Variants in DOCK3 observed in about 807,000 individuals in gnomAD.
The protein encoded by DOCK3 is dedicator of cytokinesis 3, also known as dedicator of cytokinesis protein 3.
A neutral mutation model predicts 265.6 loss-of-function variants in DOCK3; 60 were observed. The ratio of observed to expected loss-of-function variants is 0.23; its 90% confidence interval spans 0.18 to 0.28. The LOEUF (loss-of-function observed/expected upper bound fraction) is 0.28, where lower values mean the gene tolerates loss of function less well. DOCK3 is among the 10% of genes least tolerant of loss of function. DOCK3 has a pLI of 1.00. For missense variants in DOCK3, 1,981 were observed against 2,594.3 expected, an observed-to-expected ratio of 0.76 and a Z score of 5.14; for synonymous variants, 881 against 938.0, an observed-to-expected ratio of 0.94 and a Z score of 1.11.
At chr3:51,317,623 TG>T (rs2083445982) in intron 32 of DOCK3, among the ~76,000 whole-genome samples, 1 of 146,852 alleles carries the variant, frequency 6.8e-6, no homozygotes, top group Non-Finnish European at 1.5e-5. Flanking sequence ...ATAATAATAA[TG>T]TATATTTAAA....
chr3:50,730,859 G>T (rs373375798), intron 1 of DOCK3, among the ~76,000 whole-genome samples: 1 of 151,420 alleles, frequency 6.6e-6, no homozygotes, highest in East Asian at 2.0e-4. Context: ...GGCCGGGCGT[G>T]GTGGCTCATG....
intron 22 of DOCK3, among the ~76,000 whole-genome samples, chr3:51,258,527 G>C (rs886347193): frequency 3.3e-5 from 5 of 151,656 alleles, no homozygotes; most frequent in African/African-American, 4.8e-5. Context: ...TTTTGGAGAC[G>C]GAGTCTTGCT....
intron 22 of DOCK3, among the ~76,000 whole-genome samples, chr3:51,254,221 G>C (rs1011574342): frequency 6.6e-6 from 1 of 152,138 alleles, no homozygotes; most frequent in Non-Finnish European, 1.5e-5. Context: ...ATTGCACTGT[G>C]GTCTGAGAGA....
chr3:51,146,439 A>G (rs143045577), intron 9 of DOCK3, 110 bp from the exon 10 acceptor site: 1 of 1,153,130 alleles, frequency 8.7e-7, no homozygotes, highest in East Asian at 2.6e-5. Context: ...CTTGCTTGTC[A>G]CTGCAAGCTG....
chr3:50,817,612 A>G (rs1317910745), intron 2 of DOCK3, among the ~76,000 whole-genome samples: 1 of 152,032 alleles, frequency 6.6e-6, no homozygotes, highest in Non-Finnish European at 1.5e-5. Context: ...TTCATTTTCT[A>G]AGAGCATTTT....
intron 12 of DOCK3, among the ~76,000 whole-genome samples, chr3:51,167,205 G>A (rs2086450389): frequency 1.3e-5 from 2 of 152,098 alleles, no homozygotes; most frequent in Admixed American, 1.3e-4. Context: ...ATCACTTATT[G>A]AAAACTGTCC....
At chr3:51,219,790 G>A (rs537159033) in intron 14 of DOCK3, among the ~76,000 whole-genome samples, 1 of 152,288 alleles carries the variant, frequency 6.6e-6, no homozygotes, top group East Asian at 1.9e-4. Flanking sequence ...TGGGTTCATA[G>A]CGCTGGTCAA....
Position 50,964,512 on chromosome 3 carries a change from C to T in DOCK3, c.315+30435C>T, listed in dbSNP as rs1323615405. 4.0e-5 allele frequency among the ~76,000 whole-genome samples: 6 copies of T among 151,694 alleles called. No homozygotes were observed. In the East Asian group the frequency reaches 5.8e-4, roughly 15 times the overall value. Reference sequence around the variant, plus strand: ...ACACTGAATGAGATCAATGGCAGATCGAAGAAAGGAGGAGAAAAGATTAGT... The same window carrying T: ...ACACTGAATGAGATCAATGGCAGATTGAAGAAAGGAGGAGAAAAGATTAGT... On this transcript the variant is annotated intron_variant, in intron 5 of 52. Coordinates refer to ENST00000266037, the MANE Select transcript of DOCK3 (RefSeq NM_004947.5).
chr3:50,808,967 A>G (rs1450056305), intron 2 of DOCK3, among the ~76,000 whole-genome samples: 1 of 152,216 alleles, frequency 6.6e-6, no homozygotes, highest in Non-Finnish European at 1.5e-5. Flanking sequence ...TTCCAAGTAG[A>G]TGGTAGAACT....
intron 5 of DOCK3, among the ~76,000 whole-genome samples, chr3:51,041,969 C>T (rs945586288): frequency 2.0e-5 from 3 of 152,130 alleles, no homozygotes; most frequent in Admixed American, 6.5e-5. Flanking sequence ...CATGAAAGCC[C>T]TAACTTATTC....
chr3:51,344,126 G>T (rs2085409976), intron 38 of DOCK3, among the ~76,000 whole-genome samples: 1 of 152,192 alleles, frequency 6.6e-6, no homozygotes, highest in Non-Finnish European at 1.5e-5. Context: ...GTGGGAGAGG[G>T]CTTGGGCTCT....
chr3:51,376,243 C>T (rs758454536), intron 51 of DOCK3, among the ~76,000 whole-genome samples: 1 of 152,168 alleles, frequency 6.6e-6, no homozygotes, highest in Non-Finnish European at 1.5e-5. Flanking sequence ...CAGAACAGGC[C>T]GTGGCCAAAC....
intron 49 of DOCK3, among the ~76,000 whole-genome samples, chr3:51,364,506 A>G (rs1426736089): frequency 2.0e-5 from 3 of 152,110 alleles, no homozygotes; most frequent in African/African-American, 7.2e-5. Flanking sequence ...CCATTTGTCA[A>G]TTTTGGCTTT....
At chr3:51,304,642 C>T (rs1017698734) in intron 27 of DOCK3, among the ~76,000 whole-genome samples, 4 of 152,234 alleles carry the variant, frequency 2.6e-5, no homozygotes, top group Non-Finnish European at 4.4e-5. Flanking sequence ...TTGCACAGAT[C>T]TGTGGAAAAA....
chr3:50,687,268 G>A (rs1160484202), intron 1 of DOCK3, among the ~76,000 whole-genome samples: 1 of 151,874 alleles, frequency 6.6e-6, no homozygotes, highest in Non-Finnish European at 1.5e-5. Context: ...TTGACTCATC[G>A]CCCTCATTAT....
At chr3:51,379,661 G>A (rs1559441444) in intron 51 of DOCK3, 1 of 982,502 alleles carries the variant, frequency 1.0e-6, no homozygotes, top group Non-Finnish European at 1.2e-6. Context: ...CTGAGAAGAT[G>A]GGCCATTCTC....
chr3:50,699,507 C>T (rs2035893772), intron 1 of DOCK3, among the ~76,000 whole-genome samples: 1 of 146,910 alleles, frequency 6.8e-6, no homozygotes, highest in East Asian at 2.0e-4. Flanking sequence ...GGCTGGAGTG[C>T]AGTGGCACGA....
At chr3:50,853,392 T>C (rs1417510417) in intron 3 of DOCK3, among the ~76,000 whole-genome samples, 1 of 152,092 alleles carries the variant, frequency 6.6e-6, no homozygotes, top group Non-Finnish European at 1.5e-5. Flanking sequence ...GGTTTGGGCT[T>C]CTAGAAAACC....
At chr3:51,043,217 G>A (rs2080610521) in intron 5 of DOCK3, among the ~76,000 whole-genome samples, 1 of 152,154 alleles carries the variant, frequency 6.6e-6, no homozygotes, top group African/African-American at 2.4e-5. Context: ...AAAGCAGCAT[G>A]GTACTGGTAC....
Sources: allele counts gnomAD v4.1 joint callset (sites outside exome capture counted in the v4.1 genomes callset), GRCh38; gene constraint gnomAD v4.1.1; transcripts MANE v1.5; gene names NCBI Gene and HGNC (gene_info 2026-07-23, HGNC 2026-07-21).